PLEKHH1: variants seen among roughly 807,000 people sequenced by gnomAD.
The protein encoded by PLEKHH1 is pleckstrin homology domain-containing family H member 1.
A neutral mutation model predicts 160.0 loss-of-function variants in PLEKHH1; 104 were observed. The ratio of observed to expected loss-of-function variants is 0.65; its 90% confidence interval spans 0.55 to 0.76. The LOEUF (loss-of-function observed/expected upper bound fraction) is 0.76. Among genes scored for constraint, PLEKHH1 ranks in the 30% least tolerant of loss-of-function variants. PLEKHH1 has a pLI of 0.00. For missense variants in PLEKHH1, 1,427 were observed against 1,724.1 expected (o/e 0.83, Z 3.05); for synonymous variants, 619 against 678.4 (o/e 0.91, Z 1.36).
Position 67,573,198 on chromosome 14 carries a change from G to T in PLEKHH1, c.1729-78G>T. 1 of 852,038 alleles carries T rather than the reference G, an allele frequency of 1.2e-6. No homozygotes were observed. The allele number at this position is 852,038 out of a possible 1,614,324, so 52.8% of individuals were successfully genotyped here. A position where few individuals can be genotyped will look rare whatever the true frequency, so the allele number is the denominator to read the frequency against. ...TTGATGACCGAGTAGTGAGGCAGCT[G>T]GACCACTTGGACCTGTGTGATGTCT... On this transcript the variant is annotated intron_variant, in intron 11 of 28. Transcript: ENST00000329153. This position sits in a 1 kb window ranked among gnomAD's most constrained non-coding sequence, Gnocchi z 4.8.
intron 9 of PLEKHH1, chr14:67,570,662 C>T (rs2035327722): frequency 6.6e-6 from 1 of 152,232 alleles, no homozygotes; most frequent in South Asian, 2.1e-4. Flanking sequence ...ACATGTCATT[C>T]TATGCCTTGC....
intron 26 of PLEKHH1, among the ~76,000 whole-genome samples, chr14:67,584,952 T>C (rs566648441): frequency 1.3e-5 from 2 of 152,368 alleles, no homozygotes; most frequent in South Asian, 2.1e-4. Flanking sequence ...AAAGGTGGCA[T>C]GTCCAATGTC....
chr14:67,588,771 C>T lies in PLEKHH1; in HGVS notation c.*1536C>T, dbSNP rs2036272516. 1 of 152,616 alleles carries T rather than the reference C, an allele frequency of 6.6e-6. No individual in the cohort carries two copies. Among genetic ancestry groups the T allele is most frequent in the African/African-American group, 2.4e-5 (1 of 41,448 alleles). The allele number at this position is 152,616 out of a possible 1,614,324, so 9.5% of individuals were successfully genotyped here. A position where few individuals can be genotyped will look rare whatever the true frequency, so the allele number is the denominator to read the frequency against. ...CCCAAAACCAAGCCTTTAACCCCAA[C>T]AATGTGTGTATCTTTTGCACAGCAA... On this transcript the variant is annotated 3_prime_UTR_variant, in exon 29 of 29. Coordinates refer to ENST00000329153, the MANE Select transcript of PLEKHH1 (RefSeq NM_020715.3).
intron 23 of PLEKHH1, 109 bp from the exon 24 acceptor site, chr14:67,581,960 G>A (rs1189720710): frequency 1.2e-5 from 13 of 1,091,308 alleles, no homozygotes; most frequent in African/African-American, 1.6e-5. Flanking sequence ...ATAAATAGTG[G>A]GAAAAGAGTA....
chr14:67,552,328 C>T (rs959991868), intron 2 of PLEKHH1, among the ~76,000 whole-genome samples: 1 of 152,270 alleles, frequency 6.6e-6, no homozygotes, highest in Non-Finnish European at 1.5e-5. Context: ...GGCCTTTAAG[C>T]AAAGGTGAAG....
intron 2 of PLEKHH1, among the ~76,000 whole-genome samples, chr14:67,551,425 T>C (rs1470983234): frequency 6.6e-6 from 1 of 152,206 alleles, no homozygotes; most frequent in African/African-American, 2.4e-5. Context: ...GCTTGTGGAA[T>C]CTTCACAACG....
chr14:67,548,569 T>C (rs1338967612), intron 2 of PLEKHH1, among the ~76,000 whole-genome samples: 5 of 152,090 alleles, frequency 3.3e-5, no homozygotes, highest in Middle Eastern at 3.2e-3. Context: ...TGGTGGTGCA[T>C]GCCTGTAATC....
rs1333733422 is a variant in PLEKHH1 at position 67,562,380 on chromosome 14, T to C, written c.749T>C (p.Val250Ala). 3 of 1,613,542 alleles carry C rather than the reference T, an allele frequency of 1.9e-6. No homozygotes were observed. Among genetic ancestry groups the C allele is most frequent in the South Asian group, 2.2e-5 (2 of 91,070 alleles). ...AGCACGGTCCATTCTGGGGAAACAG[T>C]AGAGGCCAAGCCCCTTCAACCTCAT... ...SSSTVHSGET[V>A]EAKPLQPHLG... The change falls in exon 7 of 29, where the codon GTA becomes GCA. Residue 250 changes from valine to alanine, a missense_variant. Val to Ala is a moderately conservative substitution (Grantham distance 64). Transcript: ENST00000329153.
At chr14:67,583,628 C>T (rs1329591055) in intron 24 of PLEKHH1, 113 bp from the exon 25 acceptor site, 5 of 722,626 alleles carry the variant, frequency 6.9e-6, no homozygotes, top group South Asian at 2.4e-5. Context: ...CACAACCACT[C>T]GCACCCCACC....
intron 7 of PLEKHH1, 45 bp downstream of exon 7, chr14:67,562,939 C>T (rs978228630): frequency 5.1e-6 from 8 of 1,569,584 alleles, no homozygotes; most frequent in Non-Finnish European, 6.9e-6. Flanking sequence ...GAGCTAATGG[C>T]AAGAACACTG....
chr14:67,587,152 G>A lies in PLEKHH1; in HGVS notation c.4012G>A (p.Gly1338Arg), dbSNP rs781325764. The change falls in exon 29 of 29, where the codon GGA becomes AGA. Residue 1338 changes from glycine to arginine, a missense_variant. Gly to Arg is a moderately radical substitution (Grantham distance 125, BLOSUM62 -2). This residue lies in a region of PLEKHH1 where 96 missense variants were observed against 97.6 expected (regional missense o/e 0.98). Coordinates refer to ENST00000329153, the MANE Select transcript of PLEKHH1 (RefSeq NM_020715.3). The part of the protein sequence containing the change: ...TTVNPPTNPP[G>R]ACQLWELDGR... ...TGTGAACCCCCCCACCAACCCACCC[G>A]GAGCCTGCCAGCTGTGGGAACTGGA... is the stretch of plus-strand genomic sequence containing the variant. The A allele has an allele frequency of 8.2e-5, 132 of 1,613,762 alleles. No homozygotes were observed. The highest frequency in any genetic ancestry group is 3.3e-4 in the Middle Eastern group (2 of 6,084).
intron 2 of PLEKHH1, among the ~76,000 whole-genome samples, chr14:67,547,067 T>C (rs1210693364): frequency 6.6e-6 from 1 of 152,180 alleles, no homozygotes; most frequent in African/African-American, 2.4e-5. Flanking sequence ...TATTGACACC[T>C]TCTTGTCTTC....
rs755793437 is a variant in PLEKHH1 at position 67,579,302 on chromosome 14, G to A, written c.3018G>A (p.Gly1006=). 27 of 1,528,702 alleles carry A rather than the reference G, an allele frequency of 1.8e-5. 1 individual carries two copies. The South Asian group carries it at 3.2e-4, about 18-fold the overall frequency. 94.7% of individuals were successfully genotyped at this position (1,528,702 alleles called of 1,614,324 possible). ...PFSIPVHFTN[G]TYHVVGFDGS... ...GCATCCCCGTGCACTTTACCAACGG[G>A]ACTTACCATGTGAGGAGCTGGGCGT... The change falls in exon 21 of 29, where the codon GGG becomes GGA. Residue 1006 remains glycine (G), a synonymous_variant. Transcript: ENST00000329153.
At chr14:67,557,101 G>C (rs1038154494) in intron 3 of PLEKHH1, among the ~76,000 whole-genome samples, 168 bp from the exon 4 acceptor site, 3 of 152,140 alleles carry the variant, frequency 2.0e-5, no homozygotes, top group Admixed American at 2.0e-4. Flanking sequence ...TCCTTCTTTT[G>C]CTCAGATTGG....
At chr14:67,568,442 C>T (rs2035211885) in intron 7 of PLEKHH1, among the ~76,000 whole-genome samples, 2 of 151,942 alleles carry the variant, frequency 1.3e-5, no homozygotes, top group Non-Finnish European at 2.9e-5. Context: ...TGGGGCCTGT[C>T]AGTGGATGGT....
intron 2 of PLEKHH1, among the ~76,000 whole-genome samples, chr14:67,544,619 G>A (rs1048266604): frequency 2.6e-5 from 4 of 152,180 alleles, no homozygotes; most frequent in South Asian, 2.1e-4. Context: ...TTTTGAAGAC[G>A]TAACAAAGAA....
intron 1 of PLEKHH1, among the ~76,000 whole-genome samples, chr14:67,541,496 T>C (rs1013996787): frequency 1.3e-5 from 2 of 152,264 alleles, no homozygotes; most frequent in African/African-American, 4.8e-5. Flanking sequence ...TATAAGTAGC[T>C]GTTTAATGGA....
intron 2 of PLEKHH1, among the ~76,000 whole-genome samples, chr14:67,554,098 G>A (rs1233045094): frequency 1.3e-5 from 2 of 152,162 alleles, no homozygotes; most frequent in Non-Finnish European, 2.9e-5. Flanking sequence ...GAAAGCATCT[G>A]TGTCTCCCCA....
Position 67,575,847 on chromosome 14 carries a change from C to T in PLEKHH1, c.2194C>T (p.Arg732Trp), listed in dbSNP as rs755880711. 1.2e-5 allele frequency: 19 copies of T among 1,613,692 alleles called. No individual in the cohort carries two copies. Among genetic ancestry groups the T allele is most frequent in the East Asian group, 4.5e-5 (2 of 44,878 alleles). Reference sequence around the variant, plus strand: ...GCGACCCCTGGGCTGCCTGCCTGTGCGGGATGCGCACATAGAGGAAGTAGA... The same window carrying T: ...GCGACCCCTGGGCTGCCTGCCTGTGTGGGATGCGCACATAGAGGAAGTAGA... Reference protein sequence around the residue: ...DKRPLGCLPVRDAHIEEVDRS... With the variant: ...DKRPLGCLPVWDAHIEEVDRS... The change falls in exon 16 of 29, where the codon CGG (arginine) becomes TGG (tryptophan). Residue 732 changes from arginine to tryptophan, a missense_variant. By Grantham distance (101) the Arg-to-Trp change is moderately radical (BLOSUM62 -3). Around this residue, in one of 6 missense-constraint regions of PLEKHH1, gnomAD observed 831 missense variants for 929.2 expected, o/e 0.89. Coordinates refer to ENST00000329153, the MANE Select transcript of PLEKHH1 (RefSeq NM_020715.3).
Sources: gnomAD v4.1 joint callset for allele counts (sites outside exome capture counted in the v4.1 genomes callset) on GRCh38, gnomAD v4.1.1 for gene constraint, gnomAD v4.1.1 regional missense constraint, Gnocchi (gnomAD v3.1) non-coding constraint, MANE v1.5 for transcripts, NCBI Gene and HGNC (gene_info 2026-07-23, HGNC 2026-07-21) for gene names.